Variants in TUT1 observed in about 807,000 individuals in gnomAD.
The protein encoded by TUT1 is speckle targeted PIP5K1A-regulated poly(A) polymerase.
In TUT1, 26 loss-of-function variants were observed where a neutral mutation model predicts 48.8. That is an observed-to-expected ratio of 0.53 (90% CI 0.39 to 0.74). TUT1 has a LOEUF of 0.74. Ranked by LOEUF, TUT1 falls within the 30% of genes least tolerant of loss-of-function variation. The pLI is 0.00. For missense variants in TUT1, 1,065 were observed against 1,114.8 expected (o/e 0.96, Z 0.64); for synonymous variants, 470 against 460.8 (o/e 1.02, Z -0.26).
At chr11:62,584,742 G>T (rs1941882332) in intron 2 of TUT1, among the ~76,000 whole-genome samples, 1 of 151,432 alleles carries the variant, frequency 6.6e-6, no homozygotes, top group East Asian at 2.0e-4. Context: ...ACCATGCCCA[G>T]CCAATTGTAT....
rs995401356 is a variant in TUT1 at position 62,581,576 on chromosome 11, G to A, written c.399C>T (p.Ser133=). ...CTCCTTTGGGGGATTTGGAGGCCGG[G>A]CTCTGGAACTCCTTCTGCTCCCGTG... is the stretch of plus-strand genomic sequence containing the variant. The part of the protein sequence containing the change: ...VRPREQKEFQ[S]PASKSPKGAA... Residue 133 remains serine, a synonymous_variant, in exon 3 of 9, where the codon AGC becomes AGT. Transcript: ENST00000476907. 1.9e-6 allele frequency: 3 copies of A among 1,610,568 alleles called. No homozygotes were observed. Among genetic ancestry groups the A allele is most frequent in the Non-Finnish European group, 2.5e-6 (3 of 1,178,188 alleles).
Position 62,576,931 on chromosome 11 carries a change from C to G in TUT1, c.1357G>C (p.Val453Leu), listed in dbSNP as rs1941739313. 6.2e-7 allele frequency: 1 copy of G among 1,613,932 alleles called. No homozygotes were observed. The highest frequency in any genetic ancestry group is 1.3e-5 in the African/African-American group (1 of 74,900). ...QTRDPPVLPTVSQLTQKAGEG... is the reference protein window; with the variant it reads ...QTRDPPVLPTLSQLTQKAGEG... ...CCTGCTTTCTGGGTGAGCTGGGACA[C>G]AGTGGGCAACACAGGAGGGTCCCTG... The change falls in exon 7 of 9, where the codon GTG becomes CTG. Residue 453 changes from valine to leucine, a missense_variant. Coordinates refer to ENST00000476907, the MANE Select transcript of TUT1 (RefSeq NM_022830.3).
intron 1 of TUT1, among the ~76,000 whole-genome samples, chr11:62,589,565 G>A (rs1036384608): frequency 6.6e-6 from 1 of 152,082 alleles, no homozygotes; most frequent in African/African-American, 2.4e-5. Context: ...CACCACACCC[G>A]GCTAATTTTT....
chr11:62,581,836 AG>A, intron 2 of TUT1, 135 bp from the exon 3 acceptor site: 1 of 846,958 alleles, frequency 1.2e-6, no homozygotes, highest in Non-Finnish European at 1.7e-6. Flanking sequence ...TCATAATAAC[AG>A]GGGACATATC....
At chr11:62,580,492 A>AG (rs1196318182) in intron 4 of TUT1, among the ~76,000 whole-genome samples, 10 of 151,866 alleles carry the variant, frequency 6.6e-5, no homozygotes, top group South Asian at 2.1e-4. Flanking sequence ...CAAAACTAAA[A>AG]GGACCTTATT....
chr11:62,581,300 A>C, intron 3 of TUT1, 86 bp downstream of exon 3: 1 of 1,556,518 alleles, frequency 6.4e-7, no homozygotes, highest in Middle Eastern at 1.7e-4. Context: ...GCAACCAAAC[A>C]CCTCTAGCGG....
Position 62,576,509 on chromosome 11 carries a change from TTTC to T in TUT1, c.1474+145_1474+147del, listed in dbSNP as rs1222492213. On this transcript the variant is annotated intron_variant, in intron 8 of 8. Transcript: ENST00000476907. The stretch of plus-strand genomic sequence containing the variant: ...GTCACTTAATTGCTCCCAAACATGG[TTTC>T]TTCATCTGTAAAATGGCAGTAATAA... 12 of 833,568 alleles carry T rather than the reference TTTC, an allele frequency of 1.4e-5. No homozygotes were observed. The African/African-American group carries it at 2.1e-4, about 14-fold the overall frequency. 51.6% of individuals were successfully genotyped at this position (833,568 alleles called of 1,614,324 possible).
At position 62,589,974 on chromosome 11, in the gene TUT1, G is replaced by A. The variant is rs185998182; in HGVS notation, c.83-753C>T. On this transcript the variant is annotated intron_variant, in intron 1 of 8. Coordinates refer to ENST00000476907, the MANE Select transcript of TUT1 (RefSeq NM_022830.3). ...GCACCTCACACACAGGTATTATTCA[G>A]ATATATCACTTGGCAGAGAGAGTCT... is the stretch of plus-strand genomic sequence containing the variant. 3.0e-3 allele frequency among the ~76,000 whole-genome samples: 450 copies of A among 152,312 alleles called. 17 individuals are homozygous for A. Among genetic ancestry groups the A allele is most frequent in the Admixed American group, 0.028 (424 of 15,292 alleles).
intron 4 of TUT1, 109 bp from the exon 5 acceptor site, chr11:62,579,139 C>A: frequency 1.5e-6 from 1 of 680,266 alleles, no homozygotes; most frequent in Non-Finnish European, 2.1e-6. Context: ...GGTCTTTATA[C>A]ATATTAACTC....
rs367940682 is a variant in TUT1, at chr11:62,589,109, C to T, written c.195G>A (p.Arg65=). ...LRSVFVSGFP[R]DVDSAQLSEY... is the part of the protein sequence containing the mutation. ...CAGAGAGCTGAGCAGAATCCACATC[C>T]CTGGGAAAGCCACTGACAAACACAC... Residue 65 remains arginine (R), a synonymous_variant, in exon 2 of 9, where the codon AGG becomes AGA. Transcript: ENST00000476907. The T allele has an allele frequency of 6.2e-6, 10 of 1,614,120 alleles. No individual in the cohort carries two copies. In the African/African-American group the frequency reaches 1.2e-4, roughly 19 times the overall value.
chr11:62,583,622 G>T (rs1941865841), intron 2 of TUT1, among the ~76,000 whole-genome samples: 1 of 152,022 alleles, frequency 6.6e-6, no homozygotes, highest in African/African-American at 2.4e-5. Flanking sequence ...GAAAAAAAAA[G>T]AAGAGGAAAA....
At position 62,576,754 on chromosome 11, in the gene TUT1, G is replaced by A; in HGVS notation, c.1382-5C>T. 1 of 1,614,098 alleles carries A rather than the reference G, an allele frequency of 6.2e-7. No homozygotes were observed. ...CTTCCACCTGTTCCCCCTCTCCTGT[G>A]AAAGTAAATAAGGTGAGAGTCAGTC... On this transcript the variant is annotated splice_polypyrimidine_tract_variant and splice_region_variant and intron_variant, in intron 7 of 8. Transcript: ENST00000476907.
At chr11:62,591,283 G>C (rs1942009042) in intron 1 of TUT1, 121 bp downstream of exon 1, 2 of 1,403,678 alleles carry the variant, frequency 1.4e-6, no homozygotes, top group Non-Finnish European at 9.2e-7. Flanking sequence ...AAAAACGGAG[G>C]TGAGAGACCC....
intron 8 of TUT1, 123 bp from the exon 9 acceptor site, chr11:62,576,367 A>T: frequency 1.6e-6 from 2 of 1,238,874 alleles, no homozygotes; most frequent in Non-Finnish European, 1.1e-6. Flanking sequence ...GCAGAGTCCC[A>T]GGAAGCTAGG....
chr11:62,587,514 G>T (rs544566954), intron 2 of TUT1, among the ~76,000 whole-genome samples: 81 of 152,258 alleles, frequency 5.3e-4, no homozygotes, highest in African/African-American at 1.9e-3. Flanking sequence ...CCTACAAGCT[G>T]CCCCTTCTTC....
chr11:62,575,781 T>A lies in TUT1; in HGVS notation c.1938A>T (p.Gly646=), dbSNP rs1480841908. The A allele has an allele frequency of 8.1e-6, 13 of 1,614,056 alleles. No individual in the cohort carries two copies. The highest frequency in any genetic ancestry group is 6.7e-5 in the East Asian group (3 of 44,884). The part of the protein sequence containing the change: ...EQATKRTRSE[G]GGTGESSQGG... Reference sequence around the variant, plus strand: ...CCTGAGAGGACTCCCCAGTTCCACCTCCTTCTGACCGCGTTCTCTTGGTTG... The same window carrying A: ...CCTGAGAGGACTCCCCAGTTCCACCACCTTCTGACCGCGTTCTCTTGGTTG... Residue 646 remains glycine (G), a synonymous_variant, in exon 9 of 9, where the codon GGA becomes GGT. Coordinates refer to ENST00000476907, the MANE Select transcript of TUT1 (RefSeq NM_022830.3).
Position 62,575,854 on chromosome 11 carries a change from G to A in TUT1, c.1865C>T (p.Ala622Val), listed in dbSNP as rs749054701. 17 of 1,614,218 alleles carry A rather than the reference G, an allele frequency of 1.1e-5. No homozygotes were observed. In the Admixed American group the frequency reaches 2.8e-4, roughly 27 times the overall value. ...PLAPFTQLTA[A>V]LVQVFREALG... ...TGCTTCCCTGAATACCTGCACCAGG[G>A]CAGCAGTGAGCTGGGTGAAGGGTGC... Residue 622 changes from alanine (A) to valine (V), a missense_variant, in exon 9 of 9, where the codon GCC (alanine) becomes GTC (valine). Transcript: ENST00000476907.
At chr11:62,581,797 C>A in intron 2 of TUT1, 96 bp from the exon 3 acceptor site, 1 of 1,075,876 alleles carries the variant, frequency 9.3e-7, no homozygotes, top group Middle Eastern at 2.1e-4. Flanking sequence ...GAGACTATCC[C>A]ATAAATTGAG....
rs761919342 is a variant in TUT1, at chr11:62,575,792, G to C, written c.1927C>G (p.Arg643Gly). The C allele has an allele frequency of 1.4e-5, 22 of 1,614,132 alleles. No homozygotes were observed. Among genetic ancestry groups the C allele is most frequent in the Non-Finnish European group, 1.6e-5 (19 of 1,180,032 alleles). The change falls in exon 9 of 9, where the codon CGG becomes GGG. Residue 643 changes from arginine to glycine, a missense_variant. Coordinates refer to ENST00000476907, the MANE Select transcript of TUT1 (RefSeq NM_022830.3). ...TCCCCAGTTCCACCTCCTTCTGACC[G>C]CGTTCTCTTGGTTGCCTGTTCTATA... ...CHIEQATKRT[R>G]SEGGGTGESS...
Sources: allele counts gnomAD v4.1 joint callset (sites outside exome capture counted in the v4.1 genomes callset), GRCh38; gene constraint gnomAD v4.1.1; transcripts MANE v1.5; gene names NCBI Gene and HGNC (gene_info 2026-07-23, HGNC 2026-07-21).